Variants in STS observed in about 807,000 individuals in gnomAD.
The protein encoded by STS is steryl-sulfatase.
In STS, 7 loss-of-function variants were observed where a neutral mutation model predicts 26.8. That is an observed-to-expected ratio of 0.26 (90% CI 0.15 to 0.49). STS has a LOEUF of 0.49. Among genes scored for constraint, STS ranks in the 20% least tolerant of loss-of-function variants. The probability of loss-of-function intolerance (pLI) is 0.98; values close to 1 mark genes in which losing one functional copy is unlikely to be tolerated. For synonymous variants in STS, 199 were observed against 189.4 expected (o/e 1.05, Z -0.42); for missense variants, 434 against 465.6 (o/e 0.93, Z 0.63).
chrX:7,168,152 A>G (rs761325940), intron 1 of STS, among the ~76,000 whole-genome samples: 2 of 111,511 alleles, frequency 1.8e-5, no homozygotes, highest in South Asian at 7.6e-4. Context: ...ACTCACAACA[A>G]TACAAAGTTG....
In STS at chrX:7,192,307, T is replaced by C. The variant is rs1459492269; in HGVS notation, c.-5+1299T>C. ...TGCTGGGCCCGGTGGCTCAGGCCTG[T>C]AATCGCGGCACTTTGGGAGGCCGAG... On this transcript the variant is annotated intron_variant, in intron 2 of 10. Transcript: ENST00000674429. 3.6e-5 allele frequency among the ~76,000 whole-genome samples: 4 copies of C among 111,773 alleles called. No individual in the cohort carries two copies. The Admixed American group carries it at 3.8e-4, about 11-fold the overall frequency.
chrX:7,260,444 G>A (rs1889266839), intron 6 of STS, among the ~76,000 whole-genome samples: 1 of 111,105 alleles, frequency 9.0e-6, no homozygotes, highest in African/African-American at 3.3e-5. Context: ...TCTCTGTGTC[G>A]CCCAGGCTGG....
intron 1 of STS, among the ~76,000 whole-genome samples, chrX:7,187,880 AC>A (rs1933802280): frequency 8.9e-6 from 1 of 111,771 alleles, no homozygotes; most frequent in Non-Finnish European, 1.9e-5. Context: ...GACTTGTACA[AC>A]TGGAATTTCA....
intron 9 of STS, among the ~76,000 whole-genome samples, 162 bp from the exon 10 acceptor site, chrX:7,333,824 C>A (rs1323602433): frequency 8.9e-6 from 1 of 112,549 alleles, no homozygotes; most frequent in East Asian, 2.8e-4. Flanking sequence ...AGATAATGCA[C>A]GGACAGAGCT....
intron 2 of STS, among the ~76,000 whole-genome samples, chrX:7,220,938 A>G (rs979527620): frequency 5.4e-5 from 6 of 111,584 alleles, no homozygotes; most frequent in Non-Finnish European, 1.1e-4. Context: ...AGGGATCTGC[A>G]CTGAAAAATA....
At chrX:7,148,136 T>TG in intron 1 of STS, 53 bp downstream of exon 1, 1 of 1,086,704 alleles carries the variant, frequency 9.2e-7, no homozygotes. Context: ...TGGGTCTGGG[T>TG]GGGGGCGAGG....
At chrX:7,162,744 G>T (rs1219770105) in intron 1 of STS, among the ~76,000 whole-genome samples, 1 of 108,371 alleles carries the variant, frequency 9.2e-6, no homozygotes, top group African/African-American at 3.4e-5. Flanking sequence ...CCTGAAATAA[G>T]CATTTAAAAT....
chrX:7,333,956 C>T (rs1239622881), intron 9 of STS, 30 bp from the exon 10 acceptor site: 4 of 1,210,699 alleles, frequency 3.3e-6, no homozygotes, highest in Non-Finnish European at 4.5e-6. Context: ...GACTGATTCA[C>T]GTCTTGATGC....
In STS at chrX:7,188,697, G is replaced by A. The variant is rs775986197; in HGVS notation, c.-133-2183G>A. Among the ~76,000 whole-genome samples, 5 of 111,527 alleles carry A rather than the reference G, an allele frequency of 4.5e-5. No homozygotes were observed. In the East Asian group the frequency reaches 1.4e-3, roughly 31 times the overall value. On this transcript the variant is annotated intron_variant, in intron 1 of 10. Coordinates refer to ENST00000674429, the MANE Select transcript of STS (RefSeq NM_001320752.2). ...TGGTAAGCACTGAGTATCAAGTGTG[G>A]GTCAAAGAGCTTCCATGCTGATACC...
intron 7 of STS, among the ~76,000 whole-genome samples, chrX:7,295,247 A>C (rs1925607191): frequency 9.0e-6 from 1 of 111,645 alleles, no homozygotes; most frequent in Non-Finnish European, 1.9e-5. Context: ...CTTTAAAGTC[A>C]TGGCCCAATT....
At chrX:7,289,348 G>A (rs1925297790) in intron 7 of STS, among the ~76,000 whole-genome samples, 1 of 111,625 alleles carries the variant, frequency 9.0e-6, no homozygotes, top group South Asian at 3.8e-4. Flanking sequence ...TGCACACAGG[G>A]GAGGGTGGGA....
chrX:7,224,248 A>T (rs1921705620), intron 2 of STS, among the ~76,000 whole-genome samples: 2 of 111,612 alleles, frequency 1.8e-5, no homozygotes, highest in South Asian at 7.6e-4. Context: ...CAGGAATTAA[A>T]ATGTAATGGT....
At chrX:7,286,646 A>G (rs1211135332) in intron 7 of STS, among the ~76,000 whole-genome samples, 1 of 111,726 alleles carries the variant, frequency 9.0e-6, no homozygotes, top group African/African-American at 3.3e-5. Flanking sequence ...GACAACCTCT[A>G]CATTGCAAAG....
At chrX:7,208,790 A>G (rs752648745) in intron 2 of STS, among the ~76,000 whole-genome samples, 2 of 111,796 alleles carry the variant, frequency 1.8e-5, no homozygotes, top group Non-Finnish European at 3.8e-5. Flanking sequence ...CTTAAGCACA[A>G]AGTGGGTTTC....
intron 8 of STS, among the ~76,000 whole-genome samples, chrX:7,324,973 G>A (rs1051013368): frequency 3.6e-5 from 4 of 111,043 alleles, no homozygotes; most frequent in Admixed American, 9.6e-5. Context: ...ACACTTGGGG[G>A]CACCATTATT....
At chrX:7,175,919 C>T (rs1933562291) in intron 1 of STS, among the ~76,000 whole-genome samples, 1 of 111,084 alleles carries the variant, frequency 9.0e-6, no homozygotes, top group African/African-American at 3.3e-5. Context: ...TGCCTTTCAG[C>T]CTCATCCTTA....
At chrX:7,347,064 G>T (rs189569023) in intron 10 of STS, among the ~76,000 whole-genome samples, 2 of 111,967 alleles carry the variant, frequency 1.8e-5, no homozygotes, top group Admixed American at 1.9e-4. Flanking sequence ...GCAAGACCCT[G>T]TCTCTAGAAA....
At chrX:7,317,789 CT>C (rs1926784973) in intron 8 of STS, among the ~76,000 whole-genome samples, 1 of 111,289 alleles carries the variant, frequency 9.0e-6, no homozygotes, top group African/African-American at 3.3e-5. Flanking sequence ...TCTGAGCTGT[CT>C]TTTGAGACCT....
At chrX:7,316,447 T>G (rs1341854469) in intron 8 of STS, among the ~76,000 whole-genome samples, 6 of 112,129 alleles carry the variant, frequency 5.4e-5, no homozygotes, top group African/African-American at 1.3e-4. Flanking sequence ...CCTGGCTGCT[T>G]CTTAATTACA....
Sources: allele counts gnomAD v4.1 joint callset (sites outside exome capture counted in the v4.1 genomes callset), GRCh38; gene constraint gnomAD v4.1.1; transcripts MANE v1.5; gene names NCBI Gene and HGNC (gene_info 2026-07-23, HGNC 2026-07-21).